The following GAS7 variants were observed in gnomAD, a reference collection of about 807,000 sequenced individuals.
GAS7 encodes the protein growth arrest specific 7.
Under a neutral mutation model 71.1 loss-of-function variants are expected in GAS7, and 28 were observed. The ratio of observed to expected loss-of-function variants is 0.39; its 90% confidence interval spans 0.29 to 0.54. The LOEUF (loss-of-function observed/expected upper bound fraction) is 0.54, where lower values mean the gene tolerates loss of function less well. GAS7 is among the 20% of genes least tolerant of loss of function. The pLI, the probability that GAS7 is intolerant of heterozygous loss-of-function variation, is 0.62. For missense variants in GAS7, 436 were observed against 627.8 expected (o/e 0.69, Z 3.27); for synonymous variants, 258 against 245.8 (o/e 1.05, Z -0.46).
intron 1 of GAS7, among the ~76,000 whole-genome samples, chr17:10,146,701 C>G (rs2074123568): frequency 6.6e-6 from 1 of 152,140 alleles, no homozygotes; most frequent in Non-Finnish European, 1.5e-5. Context: ...GTAAAGATCT[C>G]TGGCCGGGCG....
At chr17:10,079,965 G>A (rs1026789667) in intron 1 of GAS7, among the ~76,000 whole-genome samples, 2 of 152,206 alleles carry the variant, frequency 1.3e-5, no homozygotes, top group African/African-American at 4.8e-5. Context: ...GACTTTGGAG[G>A]TGTTTGAACC....
chr17:10,198,045 C>T (rs998685513), intron 1 of GAS7, among the ~76,000 whole-genome samples, 163 bp downstream of exon 1: 1 of 152,132 alleles, frequency 6.6e-6, no homozygotes, highest in African/African-American at 2.4e-5. Flanking sequence ...GCTGCCGTCG[C>T]TGCCCCCCAG....
At chr17:9,918,153 G>A (rs562081230) in intron 12 of GAS7, 54 bp from the exon 13 acceptor site, 3 of 1,321,854 alleles carry the variant, frequency 2.3e-6, no homozygotes, top group South Asian at 2.4e-5. Context: ...CCACTTGGGG[G>A]TCCCCCCACC....
At chr17:9,975,369 A>G (rs1217727725) in intron 3 of GAS7, among the ~76,000 whole-genome samples, 1 of 152,048 alleles carries the variant, frequency 6.6e-6, no homozygotes, top group Admixed American at 6.5e-5. Context: ...CAAACCAAAA[A>G]AAACAAAGTT....
chr17:10,089,318 A>G (rs1214977280), intron 1 of GAS7, among the ~76,000 whole-genome samples: 5 of 152,198 alleles, frequency 3.3e-5, no homozygotes, highest in African/African-American at 9.7e-5. Context: ...GACCTCTTCA[A>G]TCCAATCCTC....
At chr17:10,011,840 G>A (rs1196880461) in intron 2 of GAS7, among the ~76,000 whole-genome samples, 3 of 152,162 alleles carry the variant, frequency 2.0e-5, no homozygotes, top group African/African-American at 7.2e-5. Context: ...GCCAGGCGTG[G>A]TGGCACATGC....
At chr17:10,124,513 G>C (rs561117699) in intron 1 of GAS7, among the ~76,000 whole-genome samples, 3 of 152,238 alleles carry the variant, frequency 2.0e-5, no homozygotes, top group African/African-American at 7.2e-5. Flanking sequence ...CCATTTGCAG[G>C]TGGCTACAGA....
chr17:9,920,708 T>C (rs1369347978), intron 11 of GAS7, among the ~76,000 whole-genome samples: 1 of 152,228 alleles, frequency 6.6e-6, no homozygotes, highest in African/African-American at 2.4e-5. Context: ...TGCACGGCTT[T>C]GTCTCAGCGT....
chr17:10,149,165 C>T (rs937679604), intron 1 of GAS7, among the ~76,000 whole-genome samples: 4 of 152,090 alleles, frequency 2.6e-5, no homozygotes, highest in East Asian at 1.9e-4. Flanking sequence ...TGCAGTGGTG[C>T]GATCTTGGCT....
chr17:10,125,426 A>C (rs545880702), intron 1 of GAS7, among the ~76,000 whole-genome samples: 1 of 150,470 alleles, frequency 6.6e-6, no homozygotes, highest in Non-Finnish European at 1.5e-5. Flanking sequence ...CTGAGGCAGG[A>C]GAATCGCTTG....
rs1027823633 is a variant in GAS7, at chr17:9,969,348, A to G, written c.471+329T>C. Among the ~76,000 whole-genome samples the G allele has an allele frequency of 6.6e-6, 1 of 152,178 alleles. No individual in the cohort carries two copies. On this transcript the variant is annotated intron_variant, in intron 4 of 13. Transcript: ENST00000432992. This position sits in a 1 kb window ranked among gnomAD's most constrained non-coding sequence, Gnocchi z 5.5. Reference sequence around the variant, plus strand: ...AGAGAAAAGGAAAATTGTCTGGCACATCCATACTCTTAAAGTGGTGAGAAA... The same window carrying G: ...AGAGAAAAGGAAAATTGTCTGGCACGTCCATACTCTTAAAGTGGTGAGAAA...
At chr17:10,030,300 G>A (rs2152218597) in intron 1 of GAS7, among the ~76,000 whole-genome samples, 1 of 152,328 alleles carries the variant, frequency 6.6e-6, no homozygotes, top group South Asian at 2.1e-4. Context: ...TGTGGATGAA[G>A]GAAAAATCAG....
At chr17:10,086,446 G>A (rs1213320455) in intron 1 of GAS7, among the ~76,000 whole-genome samples, 2 of 152,156 alleles carry the variant, frequency 1.3e-5, no homozygotes, top group African/African-American at 4.8e-5. Flanking sequence ...CGGCATTCCC[G>A]ATCCTTGGCA....
intron 5 of GAS7, among the ~76,000 whole-genome samples, chr17:9,948,904 A>T (rs1273750941): frequency 6.6e-6 from 1 of 152,180 alleles, no homozygotes; most frequent in Non-Finnish European, 1.5e-5. Flanking sequence ...CCTGAGCCTT[A>T]TAAGTCTTTA....
Position 9,974,378 on chromosome 17 carries a change from G to A in GAS7, c.386-4616C>T, listed in dbSNP as rs2070099842. ...GCTATTCCCTGTCCTGGGGGCTCCC[G>A]GCTCACCCAGGGTCAGCCACAAAAC... On this transcript the variant is annotated intron_variant, in intron 3 of 13. Transcript: ENST00000432992. This position sits in a 1 kb window ranked among gnomAD's most constrained non-coding sequence, Gnocchi z 4.0. Among the ~76,000 whole-genome samples the A allele has an allele frequency of 6.6e-6, 1 of 152,024 alleles. No homozygotes were observed. The highest frequency in any genetic ancestry group is 1.5e-5 in the Non-Finnish European group (1 of 68,000).
At chr17:9,996,957 T>C (rs78333255) in intron 2 of GAS7, among the ~76,000 whole-genome samples, 4,280 of 151,250 alleles carry the variant, frequency 0.028, 196 homozygotes, top group African/African-American at 0.098. Flanking sequence ...TATATTTTTA[T>C]AGTATATCCC....
At chr17:10,120,840 G>A (rs2073898934) in intron 1 of GAS7, among the ~76,000 whole-genome samples, 1 of 152,216 alleles carries the variant, frequency 6.6e-6, no homozygotes, top group Non-Finnish European at 1.5e-5. Context: ...GGCTGCTAGG[G>A]GGAGGGAGGG....
rs745794234 is a variant in GAS7, at chr17:10,159,065, CATATATATATATATAT to C, written c.183+39127_183+39142del. ...ACAGAGTGAGACACTGTCTCTAAAACATATATATATATATATATATATATATATATATTAAAGATAA... is the reference window on the plus strand; with the variant it reads ...ACAGAGTGAGACACTGTCTCTAAAACATATATATATATATATTAAAGATAA... On this transcript the variant is annotated intron_variant, in intron 1 of 13. Transcript: ENST00000432992. Among the ~76,000 whole-genome samples the C allele has an allele frequency of 6.0e-3, 363 of 60,004 alleles. 37 individuals are homozygous for C. Among genetic ancestry groups the C allele is most frequent in the African/African-American group, 0.024 (312 of 12,846 alleles). 39.4% of individuals were successfully genotyped at this position (60,004 alleles called of 152,430 possible).
intron 4 of GAS7, among the ~76,000 whole-genome samples, chr17:9,960,398 C>T (rs1190147256): frequency 6.6e-6 from 1 of 152,180 alleles, no homozygotes; most frequent in Non-Finnish European, 1.5e-5. Context: ...CCATGTTGGC[C>T]AGGCTGGTCT....
Sources: allele counts gnomAD v4.1 joint callset (sites outside exome capture counted in the v4.1 genomes callset), GRCh38; gene constraint gnomAD v4.1.1; non-coding constraint Gnocchi (gnomAD v3.1); transcripts MANE v1.5; gene names NCBI Gene and HGNC (gene_info 2026-07-23, HGNC 2026-07-21).